Variants in SPHKAP observed in about 807,000 individuals in gnomAD.
SPHKAP encodes the protein A-kinase anchor protein SPHKAP.
SPHKAP carries 67 observed loss-of-function variants against 137.5 expected under a neutral mutation model. The ratio of observed to expected loss-of-function variants is 0.49; its 90% CI spans 0.40 to 0.60. The LOEUF (loss-of-function observed/expected upper bound fraction) is 0.60. SPHKAP is among the 20% of genes least tolerant of loss of function. The pLI, the probability that SPHKAP is intolerant of heterozygous loss-of-function variation, is 0.00. For missense variants in SPHKAP, 2,097 were observed against 2,069.3 expected (o/e 1.01, Z -0.26); for synonymous variants, 813 against 785.3 (o/e 1.04, Z -0.59).
chr2:228,180,990 T>G (rs1161877620), intron 1 of SPHKAP, among the ~76,000 whole-genome samples: 1 of 151,668 alleles, frequency 6.6e-6, no homozygotes, highest in Non-Finnish European at 1.5e-5. Flanking sequence ...GCAGGGGGTG[T>G]GGGGACGGTG....
At chr2:228,139,736 A>T (rs1245207858) in intron 1 of SPHKAP, among the ~76,000 whole-genome samples, 1 of 152,046 alleles carries the variant, frequency 6.6e-6, no homozygotes, top group Non-Finnish European at 1.5e-5. Flanking sequence ...AATTTTTTCA[A>T]AATGTGTGCC....
chr2:228,146,246 C>A (rs559639861), intron 1 of SPHKAP, among the ~76,000 whole-genome samples: 89 of 152,204 alleles, frequency 5.8e-4, no homozygotes, highest in Non-Finnish European at 1.1e-3. Flanking sequence ...GGATGAACAC[C>A]CATTGACACA....
chr2:227,982,301 T>C (rs1475345729), intron 11 of SPHKAP: 1 of 985,270 alleles, frequency 1.0e-6, no homozygotes, highest in Non-Finnish European at 1.2e-6. Flanking sequence ...AGTGGTAAAC[T>C]TTGATGCAGG....
At chr2:228,003,924 G>A (rs1008888920) in intron 7 of SPHKAP, among the ~76,000 whole-genome samples, 7 of 152,170 alleles carry the variant, frequency 4.6e-5, no homozygotes, top group African/African-American at 1.2e-4. Context: ...ACTTGATCAT[G>A]GTGATAAGCT....
chr2:228,008,239 G>A (rs1194824929), intron 7 of SPHKAP, among the ~76,000 whole-genome samples: 1 of 150,286 alleles, frequency 6.7e-6, no homozygotes, highest in Non-Finnish European at 1.5e-5. Flanking sequence ...TATCAAAAAT[G>A]TCATTGCCAT....
At chr2:228,162,693 T>A (rs969512853) in intron 1 of SPHKAP, among the ~76,000 whole-genome samples, 28 of 152,034 alleles carry the variant, frequency 1.8e-4, no homozygotes, top group African/African-American at 6.8e-4. Flanking sequence ...AAGCCCTTCT[T>A]TTTATTTATT....
At chr2:228,109,216 T>A (rs937942045) in intron 2 of SPHKAP, 3 of 264,024 alleles carry the variant, frequency 1.1e-5, no homozygotes, top group African/African-American at 6.9e-5. Context: ...AGCTTTTGCA[T>A]AATTTGCAAT....
intron 3 of SPHKAP, among the ~76,000 whole-genome samples, chr2:228,060,485 A>T (rs1347163110): frequency 6.6e-6 from 1 of 152,208 alleles, no homozygotes; most frequent in Non-Finnish European, 1.5e-5. Context: ...AAGTGGACAA[A>T]TCAATTTTGA....
intron 7 of SPHKAP, among the ~76,000 whole-genome samples, chr2:227,997,056 T>A (rs762546715): frequency 6.6e-6 from 1 of 152,148 alleles, no homozygotes; most frequent in Non-Finnish European, 1.5e-5. Flanking sequence ...ACGGTTGTGC[T>A]TCAACTAGTC....
chr2:228,139,140 T>G (rs1362152186), intron 1 of SPHKAP, among the ~76,000 whole-genome samples: 1 of 152,212 alleles, frequency 6.6e-6, no homozygotes, highest in Non-Finnish European at 1.5e-5. Context: ...CTACTTAGTA[T>G]TGTTATTTCA....
chr2:228,070,390 A>G lies in SPHKAP; in HGVS notation c.246+38442T>C, dbSNP rs1326344227. Among the ~76,000 whole-genome samples, 3 of 152,202 alleles carry G rather than the reference A, an allele frequency of 2.0e-5. No individual in the cohort carries two copies. The East Asian group carries it at 5.8e-4, about 29-fold the overall frequency. ...AAGGGGAGGCAGGAAGAGCAGGCAT[A>G]GTTGGTGTAACTTTGTGGAAATGCA... On this transcript the variant is annotated intron_variant, in intron 3 of 11. Coordinates refer to ENST00000392056, the MANE Select transcript of SPHKAP (RefSeq NM_001142644.2).
At chr2:228,032,473 G>A (rs1057351103) in intron 3 of SPHKAP, among the ~76,000 whole-genome samples, 40 of 152,302 alleles carry the variant, frequency 2.6e-4, no homozygotes, top group African/African-American at 9.1e-4. Flanking sequence ...TGTTATCCAG[G>A]AGAACTTCCC....
At chr2:228,038,155 G>A (rs758416162) in intron 3 of SPHKAP, among the ~76,000 whole-genome samples, 5 of 152,158 alleles carry the variant, frequency 3.3e-5, no homozygotes, top group Non-Finnish European at 7.4e-5. Flanking sequence ...GCTCTTGGGA[G>A]TTATGATCTG....
In SPHKAP at chr2:228,018,660, C is replaced by G. The variant is rs770444711; in HGVS notation, c.2194G>C (p.Glu732Gln). 1 of 1,614,196 alleles carries G rather than the reference C, an allele frequency of 6.2e-7. No individual in the cohort carries two copies. The highest frequency in any genetic ancestry group is 2.2e-5 in the East Asian group (1 of 44,882). Reference sequence around the variant, plus strand: ...TCCTTAGAAAGGACAGCAGGACATTCACCAAGCCGTACAATATGACTCATC... The same window carrying G: ...TCCTTAGAAAGGACAGCAGGACATTGACCAAGCCGTACAATATGACTCATC... ...KKMSHIVRLG[E>Q]CPAVLSKETI... The change falls in exon 7 of 12, where the codon GAA becomes CAA. Residue 732 changes from glutamate (E) to glutamine (Q), a missense_variant. Transcript: ENST00000392056.
chr2:228,109,308 A>G, intron 2 of SPHKAP: 8 of 919,964 alleles, frequency 8.7e-6, no homozygotes, highest in Non-Finnish European at 1.0e-5. Context: ...CACACTCCAT[A>G]AGTATTTTCA....
chr2:228,008,280 A>G (rs1036418551), intron 7 of SPHKAP, among the ~76,000 whole-genome samples: 1 of 147,376 alleles, frequency 6.8e-6, no homozygotes, highest in African/African-American at 2.5e-5. Context: ...TTTCTCCTAC[A>G]TTATCTTCTA....
intron 3 of SPHKAP, among the ~76,000 whole-genome samples, chr2:228,032,083 C>T (rs192682367): frequency 1.5e-3 from 232 of 152,112 alleles, no homozygotes; most frequent in South Asian, 8.1e-3. Context: ...CAAACTACTC[C>T]GAACTACAGG....
chr2:228,063,074 G>T (rs1404079370), intron 3 of SPHKAP, among the ~76,000 whole-genome samples: 1 of 152,192 alleles, frequency 6.6e-6, no homozygotes, highest in Non-Finnish European at 1.5e-5. Context: ...TTAAGTTAGT[G>T]CTAAGATTTT....
At chr2:228,059,873 A>G (rs1469303737) in intron 3 of SPHKAP, among the ~76,000 whole-genome samples, 4 of 152,180 alleles carry the variant, frequency 2.6e-5, no homozygotes, top group African/African-American at 9.6e-5. Flanking sequence ...CAGTAGTAAT[A>G]AGCTTCACAA....
Sources: allele counts gnomAD v4.1 joint callset (sites outside exome capture counted in the v4.1 genomes callset), GRCh38; gene constraint gnomAD v4.1.1; transcripts MANE v1.5; gene names NCBI Gene and HGNC (gene_info 2026-07-23, HGNC 2026-07-21).